The following NLGN4X variants were observed in gnomAD, a reference collection of about 807,000 sequenced individuals.
NLGN4X encodes the protein neuroligin-4, X-linked.
In NLGN4X, 3 loss-of-function variants were observed where a neutral mutation model predicts 40.3. The observed-to-expected ratio is 0.07, with a 90% CI of 0.03 to 0.19. The LOEUF is 0.19. NLGN4X is among the 10% of genes least tolerant of loss of function. NLGN4X has a pLI of 1.00. For missense variants in NLGN4X, 382 were observed against 708.3 expected, an observed-to-expected ratio of 0.54 and a Z score of 5.23; for synonymous variants, 270 against 306.8, an observed-to-expected ratio of 0.88 and a Z score of 1.25.
intron 3 of NLGN4X, among the ~76,000 whole-genome samples, chrX:6,021,083 TCTCTCTCTCC>T (rs1348209435): frequency 0.025 from 1,307 of 52,963 alleles, 22 homozygotes; most frequent in Middle Eastern, 0.044. Context: ...CCTCCCTCTC[TCTCTCTCTCC>T]CCCTCTCCCT....
intron 1 of NLGN4X, among the ~76,000 whole-genome samples, chrX:6,170,745 T>C (rs993225433): frequency 5.3e-5 from 6 of 112,308 alleles, no homozygotes; most frequent in Admixed American, 9.4e-5. Flanking sequence ...TAATAGTTTA[T>C]GCTATTTTTT....
At chrX:5,941,176 A>G (rs1230515189) in intron 3 of NLGN4X, among the ~76,000 whole-genome samples, 1 of 24,764 alleles carries the variant, frequency 4.0e-5, no homozygotes, top group African/African-American at 1.4e-4. Flanking sequence ...ATCGTATGCT[A>G]GGGGGTGTGT....
rs1008992911 is a variant in NLGN4X at position 5,918,127 on chromosome X, T to A, written c.626-8888A>T. Among the ~76,000 whole-genome samples, 3 of 111,147 alleles carry A rather than the reference T, an allele frequency of 2.7e-5. No individual in the cohort carries two copies. The Admixed American group carries it at 2.9e-4, about 11-fold the overall frequency. On this transcript the variant is annotated intron_variant, in intron 3 of 5. Coordinates refer to ENST00000381095, the MANE Select transcript of NLGN4X (RefSeq NM_181332.3). ...GATGCGGTAGTTCAGTGCATTTCCATAGATATCTTGAAAAATTACAGAAAA... is the reference window on the plus strand; with the variant it reads ...GATGCGGTAGTTCAGTGCATTTCCAAAGATATCTTGAAAAATTACAGAAAA...
chrX:5,892,581 T>C lies in NLGN4X; in HGVS notation c.*236A>G. 2.4e-6 allele frequency: 1 copy of C among 417,568 alleles called. No individual in the cohort carries two copies. Among genetic ancestry groups the C allele is most frequent in the South Asian group, 3.4e-5 (1 of 29,617 alleles). The allele number at this position is 417,568 out of a possible 1,213,427, so 34.4% of individuals were successfully genotyped here. ...AAGCAGTTATTTTAACAGAAATGTG[T>C]ACTTCTCACATTTCACAGGGTCAGA... is the stretch of plus-strand genomic sequence containing the variant. On this transcript the variant is annotated 3_prime_UTR_variant, in exon 6 of 6. Transcript: ENST00000381095.
chrX:6,141,881 C>G (rs909550867), intron 2 of NLGN4X, among the ~76,000 whole-genome samples: 19 of 110,636 alleles, frequency 1.7e-4, no homozygotes, highest in Non-Finnish European at 7.6e-5. Flanking sequence ...TAAAATAGTA[C>G]GGAAAATAAA....
At chrX:6,005,355 T>TAC (rs1439392819) in intron 3 of NLGN4X, among the ~76,000 whole-genome samples, 1 of 111,614 alleles carries the variant, frequency 9.0e-6, no homozygotes, top group Non-Finnish European at 1.9e-5. Context: ...CCACAAGGGA[T>TAC]ACATGCCATC....
At chrX:6,215,778 A>G (rs1475368334) in intron 1 of NLGN4X, among the ~76,000 whole-genome samples, 1 of 111,663 alleles carries the variant, frequency 9.0e-6, no homozygotes, top group African/African-American at 3.3e-5. Context: ...TTGGAAGTGG[A>G]TAACAAGGTA....
chrX:5,940,996 T>C (rs73627036), intron 3 of NLGN4X, among the ~76,000 whole-genome samples: 8,441 of 109,168 alleles, frequency 0.077, 828 homozygotes, highest in African/African-American at 0.27. Context: ...GGTGTGATGG[T>C]GTGTGCCTCT....
intron 2 of NLGN4X, among the ~76,000 whole-genome samples, chrX:6,056,427 G>C (rs1308785761): frequency 9.1e-6 from 1 of 109,770 alleles, no homozygotes; most frequent in African/African-American, 3.3e-5. Context: ...AGGGAGCGGG[G>C]ATCGCGCCAC....
intron 3 of NLGN4X, among the ~76,000 whole-genome samples, chrX:5,921,148 CATATATAT>C (rs60922455): frequency 0.18 from 16,332 of 90,868 alleles, 1,169 homozygotes; most frequent in African/African-American, 0.26. Context: ...TATATATATA[CATATATAT>C]ATATATATAT....
At chrX:6,056,998 A>C (rs191059822) in intron 2 of NLGN4X, among the ~76,000 whole-genome samples, 2 of 111,973 alleles carry the variant, frequency 1.8e-5, no homozygotes, top group Admixed American at 9.5e-5. Context: ...GAAAATTTTT[A>C]ATTATTCAGA....
chrX:6,218,104 C>T (rs755651603), intron 1 of NLGN4X, among the ~76,000 whole-genome samples: 6 of 111,055 alleles, frequency 5.4e-5, no homozygotes, highest in Non-Finnish European at 1.1e-4. Context: ...ATTTGCAATA[C>T]GGGCATGCAT....
chrX:6,018,166 ATATG>A (rs58062712), intron 3 of NLGN4X, among the ~76,000 whole-genome samples: 7,598 of 110,978 alleles, frequency 0.068, 601 homozygotes, highest in African/African-American at 0.22. Flanking sequence ...ATGTACACAT[ATATG>A]TATGTATACA....
At chrX:5,942,066 G>A (rs1384668160) in intron 3 of NLGN4X, among the ~76,000 whole-genome samples, 2 of 110,071 alleles carry the variant, frequency 1.8e-5, no homozygotes, top group Non-Finnish European at 3.8e-5. Flanking sequence ...GACCAGCCTG[G>A]GCAGCATAAC....
At chrX:6,039,736 T>G (rs1018818344) in intron 2 of NLGN4X, among the ~76,000 whole-genome samples, 6 of 112,140 alleles carry the variant, frequency 5.4e-5, no homozygotes, top group African/African-American at 1.9e-4. Context: ...CTAGTACAGA[T>G]GCATTTCTAT....
At chrX:5,977,051 C>G (rs368529756) in intron 3 of NLGN4X, among the ~76,000 whole-genome samples, 123 of 112,402 alleles carry the variant, frequency 1.1e-3, no homozygotes, top group African/African-American at 3.9e-3. Context: ...CATACTGGAG[C>G]ATTAAATTCA....
chrX:6,092,783 T>G (rs2038672815), intron 2 of NLGN4X, among the ~76,000 whole-genome samples: 1 of 111,452 alleles, frequency 9.0e-6, no homozygotes, highest in Admixed American at 9.5e-5. Flanking sequence ...ATTAATGGAT[T>G]AGCTAAAGAG....
chrX:5,906,436 G>A (rs1180343032), intron 4 of NLGN4X, among the ~76,000 whole-genome samples: 4 of 111,710 alleles, frequency 3.6e-5, no homozygotes, highest in African/African-American at 6.5e-5. Context: ...GGAGCACAGC[G>A]ATCCAGAAAC....
chrX:5,933,302 G>A (rs1202775556), intron 3 of NLGN4X, among the ~76,000 whole-genome samples: 3 of 111,200 alleles, frequency 2.7e-5, no homozygotes, highest in Admixed American at 1.9e-4. Context: ...AAAATGGGTA[G>A]AAAAAGGAAG....
Sources: gnomAD v4.1 joint callset for allele counts (sites outside exome capture counted in the v4.1 genomes callset) on GRCh38, gnomAD v4.1.1 for gene constraint, MANE v1.5 for transcripts, NCBI Gene and HGNC (gene_info 2026-07-23, HGNC 2026-07-21) for gene names.